PPP2R2B: variants seen among roughly 807,000 people sequenced by gnomAD.
PPP2R2B encodes protein phosphatase 2 regulatory subunit Bbeta.
Under a neutral mutation model 46.0 loss-of-function variants are expected in PPP2R2B, and 5 were observed. The observed-to-expected ratio is 0.11, with a 90% CI of 0.06 to 0.23. PPP2R2B has a LOEUF of 0.23. Ranked by LOEUF, PPP2R2B falls within the 10% of genes least tolerant of loss-of-function variation. The pLI is 1.00. For missense variants in PPP2R2B, 367 were observed against 575.0 expected (o/e 0.64, Z 3.70); for synonymous variants, 215 against 206.7 (o/e 1.04, Z -0.34).
intron 2 of PPP2R2B, among the ~76,000 whole-genome samples, chr5:146,713,127 A>G (rs186467797): frequency 6.6e-6 from 1 of 152,338 alleles, no homozygotes; most frequent in East Asian, 1.9e-4. Flanking sequence ...TGCAATTTCA[A>G]TAGGGTGGTT....
At chr5:146,605,341 G>A (rs1321963262) in intron 7 of PPP2R2B, among the ~76,000 whole-genome samples, 1 of 152,056 alleles carries the variant, frequency 6.6e-6, no homozygotes, top group Non-Finnish European at 1.5e-5. Flanking sequence ...TGCCTACCAG[G>A]TCCCTCCCAG....
At position 146,638,500 on chromosome 5, in the gene PPP2R2B, A is replaced by G. The variant is rs1258336993; in HGVS notation, c.626-85T>C. The G allele has an allele frequency of 1.6e-5, 20 of 1,256,630 alleles. 1 individual carries two copies. The African/African-American group carries it at 2.4e-4, about 15-fold the overall frequency. The allele number at this position is 1,256,630 out of a possible 1,614,324, so 77.8% of individuals were successfully genotyped here. A position where few individuals can be genotyped will look rare whatever the true frequency, so the allele number is the denominator to read the frequency against. On this transcript the variant is annotated intron_variant, in intron 6 of 9. Coordinates refer to ENST00000394411, the MANE Select transcript of PPP2R2B (RefSeq NM_181675.4). ...AGAATTAGCAATGGCACCATCTTAT[A>G]TTAGTAAAATATGTCAACATTTGCT...
At chr5:146,965,373 A>T (rs1170538994) in intron 1 of PPP2R2B, among the ~76,000 whole-genome samples, 1 of 152,232 alleles carries the variant, frequency 6.6e-6, no homozygotes, top group Non-Finnish European at 1.5e-5. Flanking sequence ...CAGAACGTTG[A>T]GGTTTTCTCT....
chr5:146,707,511 C>T, intron 2 of PPP2R2B: 1 of 734,252 alleles, frequency 1.4e-6, no homozygotes, highest in Non-Finnish European at 2.5e-6. Flanking sequence ...CTGATGCAGA[C>T]ACCAGGCCCA....
At chr5:146,761,062 G>A (rs1451192901) in intron 2 of PPP2R2B, among the ~76,000 whole-genome samples, 3 of 152,172 alleles carry the variant, frequency 2.0e-5, no homozygotes, top group Admixed American at 6.5e-5. Flanking sequence ...TTGCACTGTT[G>A]GTGGGACTGT....
chr5:146,747,231 G>T (rs1184732632), intron 2 of PPP2R2B, among the ~76,000 whole-genome samples: 1 of 152,202 alleles, frequency 6.6e-6, no homozygotes, highest in Non-Finnish European at 1.5e-5. Context: ...ATGGTAGGCA[G>T]TTTAGCTGTG....
Position 146,797,372 on chromosome 5 carries a change from A to G in PPP2R2B, c.70+80630T>C, listed in dbSNP as rs910972011. ...ATTTACATAGCATATTTGATTATGC[A>G]GTGGTTTTGTGTGTACTGAACATTA... On this transcript the variant is annotated intron_variant, in intron 2 of 9. Transcript: ENST00000394411. 2.6e-5 allele frequency among the ~76,000 whole-genome samples: 4 copies of G among 152,194 alleles called. No homozygotes were observed. The South Asian group carries it at 6.2e-4, about 24-fold the overall frequency.
chr5:146,590,933 T>C (rs1481403900), intron 9 of PPP2R2B, among the ~76,000 whole-genome samples: 2 of 152,206 alleles, frequency 1.3e-5, no homozygotes, highest in African/African-American at 2.4e-5. Context: ...CCACACTTAA[T>C]GGACAGATGG....
chr5:146,623,147 T>C (rs931172341), intron 7 of PPP2R2B, among the ~76,000 whole-genome samples: 2 of 152,228 alleles, frequency 1.3e-5, no homozygotes, highest in South Asian at 4.1e-4. Flanking sequence ...ATTTGTGGTT[T>C]TGTGGCCCCA....
chr5:146,778,329 A>G (rs930571589), intron 2 of PPP2R2B, among the ~76,000 whole-genome samples: 1 of 152,230 alleles, frequency 6.6e-6, no homozygotes, highest in African/African-American at 2.4e-5. Context: ...TATGGAAAAT[A>G]AAGTTCTCCT....
intron 1 of PPP2R2B, among the ~76,000 whole-genome samples, chr5:146,986,450 T>A (rs1006504163): frequency 6.6e-6 from 1 of 152,086 alleles, no homozygotes; most frequent in Non-Finnish European, 1.5e-5. Flanking sequence ...CCTGAATAAA[T>A]TGCAGCGGAA....
At chr5:147,008,127 A>G (rs1246642069) in intron 1 of PPP2R2B, among the ~76,000 whole-genome samples, 2 of 152,194 alleles carry the variant, frequency 1.3e-5, no homozygotes, top group African/African-American at 4.8e-5. Context: ...ATGTTGAGGG[A>G]CAAAAATATT....
At position 146,965,627 on chromosome 5, in the gene PPP2R2B, C is replaced by T. The variant is rs185011684; in HGVS notation, c.79+90038G>A. On this transcript the variant is annotated intron_variant, in intron 1 of 8. Coordinates refer to the PPP2R2B transcript ENST00000336640. The stretch of plus-strand genomic sequence containing the variant: ...GTATCAGCAGAAGTGTCGCTGGCCC[C>T]GCTTGCTTTGCGTCAGCTTCCAGGT... Among the ~76,000 whole-genome samples the T allele has an allele frequency of 4.9e-3, 741 of 152,324 alleles. 5 individuals are homozygous for T. The highest frequency in any genetic ancestry group is 0.017 in the African/African-American group (705 of 41,566).
intron 7 of PPP2R2B, among the ~76,000 whole-genome samples, chr5:146,629,337 A>G (rs1283568227): frequency 1.3e-5 from 2 of 152,166 alleles, no homozygotes; most frequent in Non-Finnish European, 2.9e-5. Context: ...CCTACGAGTT[A>G]TCTTAGATTC....
intron 1 of PPP2R2B, among the ~76,000 whole-genome samples, chr5:146,916,349 G>T (rs1397385202): frequency 1.3e-5 from 2 of 150,968 alleles, no homozygotes; most frequent in Non-Finnish European, 2.9e-5. Flanking sequence ...TATATAGTAG[G>T]TCTCATTATA....
intron 2 of PPP2R2B, among the ~76,000 whole-genome samples, chr5:146,715,164 C>T (rs778616216): frequency 3.3e-5 from 5 of 152,272 alleles, no homozygotes; most frequent in African/African-American, 7.2e-5. Context: ...TTTACAGACA[C>T]ATTGTAAATG....
At chr5:146,716,402 C>G (rs1780500569) in intron 2 of PPP2R2B, among the ~76,000 whole-genome samples, 1 of 149,310 alleles carries the variant, frequency 6.7e-6, no homozygotes, top group Non-Finnish European at 1.5e-5. Flanking sequence ...AATTTTGACT[C>G]TACTAAGCAC....
intron 2 of PPP2R2B, among the ~76,000 whole-genome samples, chr5:146,740,948 A>G (rs1205696891): frequency 6.6e-6 from 1 of 152,032 alleles, no homozygotes; most frequent in African/African-American, 2.4e-5. Flanking sequence ...GAGGCAGGAG[A>G]ATCACTTGAA....
At chr5:146,951,180 T>G (rs1764641329) in intron 1 of PPP2R2B, among the ~76,000 whole-genome samples, 1 of 151,934 alleles carries the variant, frequency 6.6e-6, no homozygotes, top group Non-Finnish European at 1.5e-5. Flanking sequence ...CTTTTTTGTT[T>G]GTTTTTTTTT....
Sources: gnomAD v4.1 joint callset for allele counts (sites outside exome capture counted in the v4.1 genomes callset) on GRCh38, gnomAD v4.1.1 for gene constraint, MANE v1.5 for transcripts, NCBI Gene and HGNC (gene_info 2026-07-23, HGNC 2026-07-21) for gene names.